The following ZNF407 variants were observed in gnomAD, a reference collection of about 807,000 sequenced individuals.
ZNF407 encodes zinc finger protein 407.
Under a neutral mutation model 131.2 loss-of-function variants are expected in ZNF407, and 17 were observed. The ratio of observed to expected loss-of-function variants is 0.13; its 90% confidence interval spans 0.09 to 0.19. The LOEUF is 0.19. Among genes scored for constraint, ZNF407 ranks in the 10% least tolerant of loss-of-function variants. The pLI, the probability that ZNF407 is intolerant of heterozygous loss-of-function variation, is 1.00. For synonymous variants in ZNF407, 1,156 were observed against 1,062.0 expected (o/e 1.09, Z -1.72); for missense variants, 2,681 against 2,830.6 (o/e 0.95, Z 1.20).
At chr18:74,840,001 A>G (rs559169941) in intron 4 of ZNF407, among the ~76,000 whole-genome samples, 22 of 152,110 alleles carry the variant, frequency 1.4e-4, no homozygotes, top group South Asian at 4.1e-4. Flanking sequence ...TGTCCCCTTG[A>G]ACATCATCAG....
intron 4 of ZNF407, among the ~76,000 whole-genome samples, chr18:74,803,582 T>C (rs1970058506): frequency 1.3e-5 from 2 of 152,234 alleles, no homozygotes; most frequent in Admixed American, 1.3e-4. Flanking sequence ...AAGTTGATTT[T>C]CTGCAATGCA....
chr18:74,828,852 C>T (rs1970445142), intron 4 of ZNF407, among the ~76,000 whole-genome samples: 1 of 147,778 alleles, frequency 6.8e-6, no homozygotes, highest in African/African-American at 2.4e-5. Context: ...TCATTGTTGC[C>T]TTATTGGATT....
intron 6 of ZNF407, among the ~76,000 whole-genome samples, chr18:74,889,633 G>C (rs1359494922): frequency 6.6e-6 from 1 of 152,068 alleles, no homozygotes; most frequent in Non-Finnish European, 1.5e-5. Context: ...TAAATACAGT[G>C]CTGAACCATC....
chr18:74,695,542 GAA>G (rs577868036), intron 3 of ZNF407, among the ~76,000 whole-genome samples: 5 of 126,774 alleles, frequency 3.9e-5, no homozygotes, highest in Non-Finnish European at 6.9e-5. Flanking sequence ...CTGATTTAAA[GAA>G]AAAAAAAAAA....
chr18:74,969,018 A>T, intron 8 of ZNF407, among the ~76,000 whole-genome samples: 1 of 151,970 alleles, frequency 6.6e-6, no homozygotes, highest in East Asian at 1.9e-4. Flanking sequence ...AGGTTTGCTG[A>T]TGGTATCCTC....
rs764438752 is a variant in ZNF407, at chr18:74,631,064, G to C, written c.45G>C (p.Lys15Asn). Reference sequence around the variant, plus strand: ...AACCCGAAAATGATGAGGATGAAAAGATAAACAAAGAAGCACAAGACTTGA... The same window carrying C: ...AACCCGAAAATGATGAGGATGAAAACATAAACAAAGAAGCACAAGACTTGA... Reference protein sequence around the residue: ...ENKPENDEDEKINKEAQDLTK... With the variant: ...ENKPENDEDENINKEAQDLTK... Residue 15 changes from lysine (K) to asparagine (N), a missense_variant, in exon 2 of 9, where the codon AAG becomes AAC. Transcript: ENST00000299687. 1 of 1,612,124 alleles carries C rather than the reference G, an allele frequency of 6.2e-7. No individual in the cohort carries two copies. The highest frequency in any genetic ancestry group is 8.5e-7 in the Non-Finnish European group (1 of 1,179,390).
At chr18:74,929,412 T>A (rs1029344605) in intron 8 of ZNF407, among the ~76,000 whole-genome samples, 1 of 152,126 alleles carries the variant, frequency 6.6e-6, no homozygotes, top group Non-Finnish European at 1.5e-5. Context: ...TAAACAAAAT[T>A]GAAAATCGTG....
At chr18:74,739,526 A>G (rs1968499120) in intron 3 of ZNF407, among the ~76,000 whole-genome samples, 1 of 151,446 alleles carries the variant, frequency 6.6e-6, no homozygotes, top group Non-Finnish European at 1.5e-5. Context: ...ATATATATGT[A>G]TGTATGTATG....
chr18:74,947,793 CCT>C (rs1972170228), intron 8 of ZNF407, among the ~76,000 whole-genome samples: 1 of 152,216 alleles, frequency 6.6e-6, no homozygotes, highest in Non-Finnish European at 1.5e-5. Context: ...AAGCGCTAAG[CCT>C]CTGTCTTTCA....
At chr18:74,907,365 G>A (rs1326698555) in intron 7 of ZNF407, among the ~76,000 whole-genome samples, 2 of 152,176 alleles carry the variant, frequency 1.3e-5, no homozygotes, top group Non-Finnish European at 2.9e-5. Flanking sequence ...CTGGGGAAGT[G>A]TCTGGCTCTT....
At chr18:74,745,727 G>A (rs1450927522) in intron 3 of ZNF407, among the ~76,000 whole-genome samples, 2 of 152,120 alleles carry the variant, frequency 1.3e-5, no homozygotes, top group African/African-American at 2.4e-5. Context: ...GTATAAGTAC[G>A]CATTTAGAGT....
intron 4 of ZNF407, among the ~76,000 whole-genome samples, chr18:74,865,977 C>T (rs1429716371): frequency 1.3e-5 from 2 of 152,196 alleles, no homozygotes; most frequent in African/African-American, 4.8e-5. Flanking sequence ...TTATTAACTA[C>T]TTATTCTCAG....
chr18:74,809,235 C>T (rs985433303), intron 4 of ZNF407, among the ~76,000 whole-genome samples: 1 of 152,190 alleles, frequency 6.6e-6, no homozygotes, highest in African/African-American at 2.4e-5. Flanking sequence ...ACACTGCTCT[C>T]ATTTAGAAGT....
chr18:75,058,364 C>G (rs144829600), intron 8 of ZNF407, among the ~76,000 whole-genome samples: 302 of 152,282 alleles, frequency 2.0e-3, no homozygotes, highest in Non-Finnish European at 3.4e-3. Flanking sequence ...AGTAAAATAT[C>G]TTTGTGCTCA....
chr18:74,846,926 G>A (rs1341754719), intron 4 of ZNF407, among the ~76,000 whole-genome samples: 6 of 151,818 alleles, frequency 4.0e-5, no homozygotes, highest in Non-Finnish European at 8.8e-5. Context: ...CCCAGGAGGC[G>A]GAGGTTGCAG....
chr18:74,669,917 A>C (rs1986076411), intron 3 of ZNF407, among the ~76,000 whole-genome samples: 1 of 152,228 alleles, frequency 6.6e-6, no homozygotes, highest in South Asian at 2.1e-4. Context: ...AATTTAATTG[A>C]CAAAACCCGT....
chr18:74,920,773 C>T, intron 8 of ZNF407, 81 bp downstream of exon 8: 2 of 1,449,380 alleles, frequency 1.4e-6, no homozygotes, highest in Admixed American at 2.2e-5. Flanking sequence ...TTGTACATTA[C>T]CATGATTTAT....
At chr18:74,806,570 A>C (rs1199736338) in intron 4 of ZNF407, among the ~76,000 whole-genome samples, 3 of 152,248 alleles carry the variant, frequency 2.0e-5, no homozygotes, top group Non-Finnish European at 2.9e-5. Context: ...TGTGAGGATC[A>C]AACAAGATGA....
At chr18:74,747,162 C>T (rs74911529) in intron 3 of ZNF407, among the ~76,000 whole-genome samples, 31 of 12,622 alleles carry the variant, frequency 2.5e-3, no homozygotes, top group East Asian at 0.031. Context: ...GTTTTTTTTT[C>T]ATTTAATTAT....
Sources: gnomAD v4.1 joint callset for allele counts (sites outside exome capture counted in the v4.1 genomes callset) on GRCh38, gnomAD v4.1.1 for gene constraint, MANE v1.5 for transcripts, NCBI Gene and HGNC (gene_info 2026-07-23, HGNC 2026-07-21) for gene names.